HIPK2: variants seen among roughly 807,000 people sequenced by gnomAD.
HIPK2 encodes the protein homeodomain interacting protein kinase 2, also known as homeodomain-interacting protein kinase 2.
HIPK2 carries 27 observed loss-of-function variants against 113.7 expected under a neutral mutation model. That is an observed-to-expected ratio of 0.24 (90% CI 0.17 to 0.33). The LOEUF (loss-of-function observed/expected upper bound fraction) is 0.33, where lower values mean the gene tolerates loss of function less well. Ranked by LOEUF, HIPK2 falls within the 10% of genes least tolerant of loss-of-function variation. HIPK2 has a pLI of 1.00. For synonymous variants in HIPK2, 631 were observed against 642.2 expected (o/e 0.98, Z 0.26); for missense variants, 1,257 against 1,588.0 (o/e 0.79, Z 3.54).
At position 139,636,205 on chromosome 7, in the gene HIPK2, G is replaced by T. The variant is rs191994748; in HGVS notation, c.1104-4480C>A. Among the ~76,000 whole-genome samples the T allele has an allele frequency of 3.9e-5, 6 of 151,934 alleles. No individual in the cohort carries two copies. In the East Asian group the frequency reaches 1.2e-3, roughly 30 times the overall value. On this transcript the variant is annotated intron_variant, in intron 2 of 14. Coordinates refer to ENST00000406875, the MANE Select transcript of HIPK2 (RefSeq NM_022740.5). Reference sequence around the variant, plus strand: ...TCCTGCCCTGAAACACTTATTCTTGGTTTTCATGACATCGCTTGCTCCCCA... The same window carrying T: ...TCCTGCCCTGAAACACTTATTCTTGTTTTTCATGACATCGCTTGCTCCCCA...
chr7:139,656,453 A>C (rs1222693931), intron 2 of HIPK2, among the ~76,000 whole-genome samples: 1 of 151,988 alleles, frequency 6.6e-6, no homozygotes, highest in African/African-American at 2.4e-5. Flanking sequence ...CCTCACAGTC[A>C]CTTTTTCTTC....
chr7:139,746,178 T>TA (rs1172751096), intron 1 of HIPK2, among the ~76,000 whole-genome samples: 3 of 152,044 alleles, frequency 2.0e-5, no homozygotes, highest in African/African-American at 7.2e-5. Flanking sequence ...TACATTCAAA[T>TA]AAAAAAACCT....
At chr7:139,775,021 T>A (rs1328740624) in intron 1 of HIPK2, among the ~76,000 whole-genome samples, 1 of 152,202 alleles carries the variant, frequency 6.6e-6, no homozygotes, top group Non-Finnish European at 1.5e-5. Flanking sequence ...TTCAGAACGC[T>A]CCATTAATGT....
In HIPK2 at chr7:139,596,808, C is replaced by T; in HGVS notation, c.2626G>A (p.Val876Ile). The change falls in exon 12 of 15, where the codon GTC becomes ATC. Residue 876 changes from valine to isoleucine, a missense_variant. By Grantham distance (29) the Val-to-Ile change is conservative. This residue lies in a region of HIPK2 where 862 missense variants were observed against 1,004.3 expected (regional missense o/e 0.86). Coordinates refer to ENST00000406875, the MANE Select transcript of HIPK2 (RefSeq NM_022740.5). The part of the protein sequence containing the change: ...TTRERQRQTI[V>I]IPDTPSPTVS... Reference sequence around the variant, plus strand: ...GTGGGGCTGGGAGTGTCGGGAATGACAATTGTCTGCCGCTGCCGTTCCCGG... The same window carrying T: ...GTGGGGCTGGGAGTGTCGGGAATGATAATTGTCTGCCGCTGCCGTTCCCGG... 1 of 1,613,964 alleles carries T rather than the reference C, an allele frequency of 6.2e-7. No individual in the cohort carries two copies. Among genetic ancestry groups the T allele is most frequent in the Non-Finnish European group, 8.5e-7 (1 of 1,179,876 alleles).
chr7:139,733,923 A>C (rs1795865442), intron 1 of HIPK2, among the ~76,000 whole-genome samples: 1 of 152,164 alleles, frequency 6.6e-6, no homozygotes, highest in African/African-American at 2.4e-5. Flanking sequence ...TGGTCAGTGA[A>C]AGAGGGTAAC....
chr7:139,646,520 GGAAA>G (rs72411868), intron 2 of HIPK2, among the ~76,000 whole-genome samples: 18,019 of 143,696 alleles, frequency 0.13, 1,255 homozygotes, highest in South Asian at 0.19. Flanking sequence ...AAAAAAAAAA[GGAAA>G]GAAAGAAAAG....
chr7:139,759,945 G>C (rs1337767055), intron 1 of HIPK2, among the ~76,000 whole-genome samples: 1 of 151,544 alleles, frequency 6.6e-6, no homozygotes, highest in East Asian at 1.9e-4. Context: ...AAGAAATGTA[G>C]AGAGAATGAT....
At chr7:139,635,271 T>C (rs1282879170) in intron 2 of HIPK2, among the ~76,000 whole-genome samples, 1 of 152,198 alleles carries the variant, frequency 6.6e-6, no homozygotes. Context: ...GTTTGGATGT[T>C]TGACACTCAA....
At chr7:139,766,547 CT>C (rs889374657) in intron 1 of HIPK2, among the ~76,000 whole-genome samples, 7 of 152,170 alleles carry the variant, frequency 4.6e-5, no homozygotes, top group Admixed American at 4.6e-4. Context: ...TTGATTGCCT[CT>C]TTTCCAAGGA....
chr7:139,659,711 T>C (rs1392549898), intron 2 of HIPK2, among the ~76,000 whole-genome samples: 1 of 152,142 alleles, frequency 6.6e-6, no homozygotes, highest in Non-Finnish European at 1.5e-5. Context: ...AAAGGGTGTG[T>C]CTCCAGCCCA....
At chr7:139,595,938 C>G (rs775348757) in intron 12 of HIPK2, among the ~76,000 whole-genome samples, 1 of 152,144 alleles carries the variant, frequency 6.6e-6, no homozygotes, top group Non-Finnish European at 1.5e-5. Context: ...CCCTGGCTCT[C>G]GGTTCCAGTG....
At chr7:139,609,774 A>G (rs539832530) in intron 9 of HIPK2, among the ~76,000 whole-genome samples, 1 of 152,356 alleles carries the variant, frequency 6.6e-6, no homozygotes, top group Admixed American at 6.5e-5. Context: ...AAAAATAAAA[A>G]GCAACTGACA....
intron 1 of HIPK2, 82 bp downstream of exon 1, chr7:139,777,523 G>GCGCGGGGC: frequency 8.7e-6 from 5 of 573,998 alleles, no homozygotes; most frequent in Non-Finnish European, 1.1e-5. Context: ...GGGGCTGCGG[G>GCGCGGGGC]CGCGGGGCCG....
intron 2 of HIPK2, among the ~76,000 whole-genome samples, chr7:139,696,218 T>C (rs2116818355): frequency 6.6e-6 from 1 of 152,212 alleles, no homozygotes. Flanking sequence ...CTTTCTTATA[T>C]AAAGGCCTGT....
At chr7:139,755,248 T>C (rs1796344304) in intron 1 of HIPK2, among the ~76,000 whole-genome samples, 2 of 152,236 alleles carry the variant, frequency 1.3e-5, no homozygotes, top group South Asian at 4.1e-4. Flanking sequence ...GAGTTGGATG[T>C]GATGCCTAGA....
chr7:139,596,322 C>T (rs1277587183), intron 12 of HIPK2, among the ~76,000 whole-genome samples: 4 of 152,158 alleles, frequency 2.6e-5, no homozygotes, highest in African/African-American at 4.8e-5. Context: ...ACAATTACTT[C>T]GTATTCTGAG....
At chr7:139,668,830 T>C (rs1033200010) in intron 2 of HIPK2, among the ~76,000 whole-genome samples, 5 of 152,246 alleles carry the variant, frequency 3.3e-5, no homozygotes, top group Non-Finnish European at 7.3e-5. Flanking sequence ...AATCCAGCTT[T>C]GAATCCAAAT....
chr7:139,575,373 TC>T, intron 13 of HIPK2, 85 bp from the exon 14 acceptor site: 1 of 1,432,248 alleles, frequency 7.0e-7, no homozygotes, highest in Non-Finnish European at 9.4e-7. Flanking sequence ...ACAGTGGTCT[TC>T]CAGGAAGAAA....
At chr7:139,773,768 C>T (rs1007378494) in intron 1 of HIPK2, among the ~76,000 whole-genome samples, 6 of 152,200 alleles carry the variant, frequency 3.9e-5, no homozygotes, top group African/African-American at 1.4e-4. Flanking sequence ...CGAGGAGCCT[C>T]CCCTTGGAGG....
Sources: gnomAD v4.1 joint callset for allele counts (sites outside exome capture counted in the v4.1 genomes callset) on GRCh38, gnomAD v4.1.1 for gene constraint, gnomAD v4.1.1 regional missense constraint, MANE v1.5 for transcripts, NCBI Gene and HGNC (gene_info 2026-07-23, HGNC 2026-07-21) for gene names.